The following USP25 variants were observed in gnomAD, a reference collection of about 807,000 sequenced individuals.
The protein encoded by USP25 is ubiquitin specific peptidase 25, also known as ubiquitin carboxyl-terminal hydrolase 25.
USP25 carries 85 observed loss-of-function variants against 158.5 expected under a neutral mutation model. The ratio of observed to expected loss-of-function variants is 0.54; its 90% CI spans 0.45 to 0.64. The LOEUF (loss-of-function observed/expected upper bound fraction) is 0.64, where lower values mean the gene tolerates loss of function less well. Ranked by LOEUF, USP25 falls within the 30% of genes least tolerant of loss-of-function variation. USP25 has a pLI of 0.00. For synonymous variants in USP25, 464 were observed against 460.4 expected, an observed-to-expected ratio of 1.01 and a Z score of -0.10; for missense variants, 1,242 against 1,327.3, an observed-to-expected ratio of 0.94 and a Z score of 1.00.
At chr21:15,791,171 C>T (rs1426277377) in intron 4 of USP25, among the ~76,000 whole-genome samples, 2 of 151,726 alleles carry the variant, frequency 1.3e-5, no homozygotes, top group South Asian at 2.1e-4. Context: ...TAAATATGTA[C>T]TTTAATTGTT....
chr21:15,750,215 T>TGTGTGTA (rs1491098028), intron 1 of USP25, among the ~76,000 whole-genome samples: 31 of 9,086 alleles, frequency 3.4e-3, no homozygotes, highest in African/African-American at 3.7e-3. Flanking sequence ...TGTGTGTATG[T>TGTGTGTA]TTTTTTTTTT....
chr21:15,865,624 G>T (rs548873896), intron 21 of USP25, among the ~76,000 whole-genome samples: 30 of 152,264 alleles, frequency 2.0e-4, no homozygotes, highest in East Asian at 1.9e-3. Context: ...TGCTATCAGT[G>T]TACTGAGTTC....
intron 18 of USP25, among the ~76,000 whole-genome samples, chr21:15,845,599 A>G (rs1195585908): frequency 6.6e-6 from 1 of 152,054 alleles, no homozygotes; most frequent in Non-Finnish European, 1.5e-5. Flanking sequence ...CCTAAGTGCA[A>G]TTTTTTTCCC....
At chr21:15,754,753 A>T (rs750104461) in intron 1 of USP25, among the ~76,000 whole-genome samples, 1 of 152,216 alleles carries the variant, frequency 6.6e-6, no homozygotes, top group Non-Finnish European at 1.5e-5. Flanking sequence ...AAAATTCCTC[A>T]GACAAGTCAT....
At chr21:15,735,025 A>G (rs569067171) in intron 1 of USP25, among the ~76,000 whole-genome samples, 1 of 152,332 alleles carries the variant, frequency 6.6e-6, no homozygotes, top group African/African-American at 2.4e-5. Context: ...AACTAAAGCA[A>G]CATTTCATCT....
chr21:15,830,466 A>C, intron 14 of USP25, 65 bp from the exon 15 acceptor site: 5 of 1,382,180 alleles, frequency 3.6e-6, no homozygotes, highest in Non-Finnish European at 5.0e-6. Flanking sequence ...GAAAAACATT[A>C]GTCCTTATCT....
In USP25 at chr21:15,791,658, T is replaced by C. The variant is rs372927988; in HGVS notation, c.549T>C (p.Val183=). The C allele has an allele frequency of 4.5e-4, 724 of 1,606,726 alleles. 7 individuals carry two copies. The South Asian group carries it at 7.7e-3, about 17-fold the overall frequency. Residue 183 remains valine (V), a synonymous_variant, in exon 5 of 26, where the codon GTT becomes GTC. Coordinates refer to ENST00000400183, the MANE Select transcript of USP25 (RefSeq NM_001283041.3). The stretch of plus-strand genomic sequence containing the variant: ...GCAATACTTGTTGGTTTAGTGCTGT[T>C]ATTCAGGTAAGGATTTTTCTTTATT... ...NVGNTCWFSA[V]IQSLFNLLEF... is the part of the protein sequence containing the mutation.
chr21:15,801,781 T>C (rs1187289899), intron 6 of USP25, among the ~76,000 whole-genome samples: 4 of 151,628 alleles, frequency 2.6e-5, no homozygotes, highest in African/African-American at 9.7e-5. Context: ...ATGCCATTTG[T>C]ATGCACTTTT....
At chr21:15,736,286 G>C (rs73355479) in intron 1 of USP25, among the ~76,000 whole-genome samples, 22,534 of 151,888 alleles carry the variant, frequency 0.15, 2,174 homozygotes, top group African/African-American at 0.28. Flanking sequence ...TTACTAGAGA[G>C]AGGGTTTCAT....
At chr21:15,819,769 C>T (rs1212830819) in intron 10 of USP25, among the ~76,000 whole-genome samples, 1 of 152,050 alleles carries the variant, frequency 6.6e-6, no homozygotes, top group Non-Finnish European at 1.5e-5. Context: ...TTTTTGAGAA[C>T]AAATTGCTTT....
At chr21:15,788,909 C>G (rs1424568760) in intron 4 of USP25, among the ~76,000 whole-genome samples, 2 of 152,086 alleles carry the variant, frequency 1.3e-5, no homozygotes, top group Admixed American at 1.3e-4. Flanking sequence ...ATCTCTTGAA[C>G]TTTAATCAAA....
chr21:15,762,902 G>A lies in USP25; in HGVS notation c.57G>A (p.Thr19=). 6.2e-7 allele frequency: 1 copy of A among 1,612,448 alleles called. No homozygotes were observed. Among genetic ancestry groups the A allele is most frequent in the South Asian group, 1.1e-5 (1 of 90,890 alleles). ...TTTCCTCCCTCTAGCACCAGCAGAC[G>A]TTTTTGAATCAACTGAGAGAAATTA... ...QQSAAQKHQQ[T]FLNQLREITG... is the part of the protein sequence containing the mutation. Residue 19 remains threonine (T), a synonymous_variant, in exon 2 of 26, where the codon ACG becomes ACA. Coordinates refer to ENST00000400183, the MANE Select transcript of USP25 (RefSeq NM_001283041.3).
chr21:15,823,948 C>T (rs1038116459), intron 10 of USP25, 91 bp from the exon 11 acceptor site: 10 of 1,298,860 alleles, frequency 7.7e-6, no homozygotes, highest in Non-Finnish European at 1.1e-5. Context: ...ATACATATAA[C>T]AATGTCAGTG....
At chr21:15,855,635 AT>A (rs2039096950) in intron 20 of USP25, among the ~76,000 whole-genome samples, 1 of 152,194 alleles carries the variant, frequency 6.6e-6, no homozygotes, top group African/African-American at 2.4e-5. Context: ...GGTTGTGTAC[AT>A]TTGTAGCCTG....
intron 3 of USP25, among the ~76,000 whole-genome samples, chr21:15,767,300 G>T (rs1374774087): frequency 6.6e-6 from 1 of 151,868 alleles, no homozygotes; most frequent in Non-Finnish European, 1.5e-5. Flanking sequence ...ATGCACTCTG[G>T]CCTTTTCCTC....
chr21:15,865,388 G>A (rs997745744), intron 21 of USP25, among the ~76,000 whole-genome samples: 1 of 152,128 alleles, frequency 6.6e-6, no homozygotes, highest in Non-Finnish European at 1.5e-5. Flanking sequence ...TATGAGGGGA[G>A]GCAAAGCATC....
At position 15,874,538 on chromosome 21, in the gene USP25, G is replaced by T; in HGVS notation, c.3009+12G>T. ...GAGAATGTTTGCTAGTAAGTTGAAT[G>T]CATATAGTATGATCTTATCATTTTG... On this transcript the variant is annotated intron_variant, in intron 24 of 25. Transcript: ENST00000400183. 6.3e-7 allele frequency: 1 copy of T among 1,590,326 alleles called. No homozygotes were observed. The highest frequency in any genetic ancestry group is 1.1e-5 in the South Asian group (1 of 87,274).
In USP25 at chr21:15,880,042, A is replaced by G. The variant is rs2040229013; in HGVS notation, c.*1567A>G. 6.6e-6 allele frequency: 1 copy of G among 152,206 alleles called. No individual in the cohort carries two copies. Among genetic ancestry groups the G allele is most frequent in the South Asian group, 2.1e-4 (1 of 4,830 alleles). The allele number at this position is 152,206 out of a possible 1,614,324, so 9.4% of individuals were successfully genotyped here. ...AGCTTTTGTAAAGAAAGTATCCTTA[A>G]TATTTTATGACATTCTACCACAGTG... On this transcript the variant is annotated 3_prime_UTR_variant, in exon 26 of 26. Coordinates refer to ENST00000400183, the MANE Select transcript of USP25 (RefSeq NM_001283041.3).
At chr21:15,763,593 C>T (rs1414407803) in intron 2 of USP25, among the ~76,000 whole-genome samples, 2 of 152,038 alleles carry the variant, frequency 1.3e-5, no homozygotes, top group African/African-American at 2.4e-5. Flanking sequence ...TATTTAAGAA[C>T]CAGAACTGTA....
Sources: gnomAD v4.1 joint callset for allele counts (sites outside exome capture counted in the v4.1 genomes callset) on GRCh38, gnomAD v4.1.1 for gene constraint, MANE v1.5 for transcripts, NCBI Gene and HGNC (gene_info 2026-07-23, HGNC 2026-07-21) for gene names.